Variants in LARS2 observed in about 807,000 individuals in gnomAD.
LARS2 encodes leucyl-tRNA synthetase 2, mitochondrial.
A neutral mutation model predicts 116.6 loss-of-function variants in LARS2; 81 were observed. The observed-to-expected ratio is 0.69, with a 90% CI of 0.58 to 0.84. The LOEUF (loss-of-function observed/expected upper bound fraction) is 0.84, where lower values mean the gene tolerates loss of function less well. Among genes scored for constraint, LARS2 ranks in the 40% least tolerant of loss-of-function variants. The pLI is 0.00. For synonymous variants in LARS2, 396 were observed against 407.2 expected, an observed-to-expected ratio of 0.97 and a Z score of 0.33; for missense variants, 968 against 1,114.5, an observed-to-expected ratio of 0.87 and a Z score of 1.87.
chr3:45,437,620 C>T (rs1003564418), intron 6 of LARS2, among the ~76,000 whole-genome samples: 15 of 152,214 alleles, frequency 9.9e-5, no homozygotes, highest in Admixed American at 6.5e-4. Context: ...TAGGAGAGAG[C>T]TGCTGGCTGG....
At chr3:45,442,753 T>G (rs1698934436) in intron 6 of LARS2, among the ~76,000 whole-genome samples, 1 of 152,208 alleles carries the variant, frequency 6.6e-6, no homozygotes, top group Non-Finnish European at 1.5e-5. Flanking sequence ...GCAACTCACT[T>G]AACCGCCTCC....
intron 6 of LARS2, among the ~76,000 whole-genome samples, chr3:45,441,023 C>CTT (rs148736694): frequency 1.5e-4 from 13 of 87,110 alleles, no homozygotes; most frequent in African/African-American, 3.6e-4. Context: ...ATCACACACT[C>CTT]TTTTTTTTTT....
chr3:45,400,429 G>T lies in LARS2; in HGVS notation c.363+56G>T. 3.9e-6 allele frequency: 6 copies of T among 1,525,038 alleles called. 1 individual carries two copies. In the South Asian group the frequency reaches 6.3e-5, roughly 16 times the overall value. The allele number at this position is 1,525,038 out of a possible 1,614,324, so 94.5% of individuals were successfully genotyped here. ...TGTCTGCCACACGCAGGGTTGGCAT[G>T]TAGTAATATGTGTTCAAGACAAATG... On this transcript the variant is annotated intron_variant, in intron 4 of 21. Transcript: ENST00000645846.
At chr3:45,526,674 AACTG>A (rs1214803997) in intron 20 of LARS2, among the ~76,000 whole-genome samples, 1 of 152,126 alleles carries the variant, frequency 6.6e-6, no homozygotes, top group African/African-American at 2.4e-5. Context: ...TCCAAGAAGT[AACTG>A]ACTGACCACT....
Position 45,491,568 on chromosome 3 carries a change from C to G in LARS2, c.1291C>G (p.Arg431Gly). 1.9e-6 allele frequency: 3 copies of G among 1,614,088 alleles called. No homozygotes were observed. In the South Asian group the frequency reaches 3.3e-5, roughly 18 times the overall value. Residue 431 changes from arginine to glycine, a missense_variant, in exon 13 of 22, where the codon CGG (arginine) becomes GGG (glycine). Physicochemically the swap from Arg to Gly is moderately radical, Grantham distance 125. Coordinates refer to ENST00000645846, the MANE Select transcript of LARS2 (RefSeq NM_015340.4). ...DAFLALTQKA[R>G]GKRVGGDVTS... is the part of the protein sequence containing the mutation. ...TTTTCTAGCCCTGACTCAGAAAGCC[C>G]GGGGGAAGAGAGTGGGTGGAGACGT...
At position 45,471,853 on chromosome 3, in the gene LARS2, T is replaced by G. The variant is rs1575275967; in HGVS notation, c.751-2390T>G. On this transcript the variant is annotated intron_variant, in intron 8 of 21. Coordinates refer to ENST00000645846, the MANE Select transcript of LARS2 (RefSeq NM_015340.4). Reference sequence around the variant, plus strand: ...TGAAAAGCATTCTAGAGTACTTAATTTTATTAGAAGATTAATTGTTTATTA... The same window carrying G: ...TGAAAAGCATTCTAGAGTACTTAATGTTATTAGAAGATTAATTGTTTATTA... Among the ~76,000 whole-genome samples the G allele has an allele frequency of 2.6e-5, 4 of 152,218 alleles. No homozygotes were observed. The East Asian group carries it at 7.7e-4, about 29-fold the overall frequency.
chr3:45,548,507 T>G lies in LARS2; in HGVS notation c.*977T>G, dbSNP rs1700906803. 1 of 152,256 alleles carries G rather than the reference T, an allele frequency of 6.6e-6. No homozygotes were observed. The highest frequency in any genetic ancestry group is 2.1e-4 in the South Asian group (1 of 4,834). The allele number at this position is 152,256 out of a possible 1,614,324, so 9.4% of individuals were successfully genotyped here. A position where few individuals can be genotyped will look rare whatever the true frequency, so the allele number is the denominator to read the frequency against. ...CAAGCTCACCACAGAGGAGTGGAAC[T>G]GAGGCCCCCCAGATGTTGCCTCCGG... On this transcript the variant is annotated 3_prime_UTR_variant, in exon 22 of 22. Transcript: ENST00000645846.
intron 1 of LARS2, among the ~76,000 whole-genome samples, chr3:45,390,520 G>C (rs1045256410): frequency 3.3e-5 from 5 of 150,240 alleles, no homozygotes; most frequent in African/African-American, 1.2e-4. Flanking sequence ...CACCGTGTTA[G>C]CCAGGATGGT....
intron 20 of LARS2, among the ~76,000 whole-genome samples, chr3:45,525,740 G>T (rs925526768): frequency 6.6e-6 from 1 of 152,060 alleles, no homozygotes; most frequent in Non-Finnish European, 1.5e-5. Flanking sequence ...GCAACTCCTG[G>T]CCCCCTCCAA....
chr3:45,419,550 C>A, intron 5 of LARS2, 119 bp from the exon 6 acceptor site: 1 of 785,504 alleles, frequency 1.3e-6, no homozygotes, highest in Non-Finnish European at 2.1e-6. Context: ...CAAAGCAACA[C>A]TTAAAACCCA....
chr3:45,531,471 G>C (rs1205455228), intron 20 of LARS2, among the ~76,000 whole-genome samples: 1 of 152,010 alleles, frequency 6.6e-6, no homozygotes, highest in Non-Finnish European at 1.5e-5. Context: ...TTGACCTCCT[G>C]GGCTCAAGCA....
intron 5 of LARS2, among the ~76,000 whole-genome samples, chr3:45,418,867 A>G (rs1359067016): frequency 6.6e-6 from 1 of 152,116 alleles, no homozygotes; most frequent in Non-Finnish European, 1.5e-5. Context: ...CTCTTTACTT[A>G]TTTGTGCTTC....
intron 6 of LARS2, among the ~76,000 whole-genome samples, chr3:45,426,803 C>T (rs1320393710): frequency 1.3e-5 from 2 of 152,210 alleles, no homozygotes; most frequent in Admixed American, 1.3e-4. Flanking sequence ...AAATGTAGCT[C>T]TTCAAGGAAG....
At chr3:45,486,639 T>G (rs1429407435) in intron 11 of LARS2, among the ~76,000 whole-genome samples, 1 of 152,234 alleles carries the variant, frequency 6.6e-6, no homozygotes, top group Non-Finnish European at 1.5e-5. Context: ...GATCAGTGTT[T>G]CATGAAGTTG....
At position 45,394,693 on chromosome 3, in the gene LARS2, T is replaced by G; in HGVS notation, c.234+6T>G. On this transcript the variant is annotated splice_donor_region_variant and intron_variant, in intron 3 of 21. Coordinates refer to ENST00000645846, the MANE Select transcript of LARS2 (RefSeq NM_015340.4). ...CCAAAATTTCAGAAGCTGATGTGAG[T>G]ATTCTGAGAGATTCTAAGAGGGTAG... is the stretch of plus-strand genomic sequence containing the variant. 3 of 1,578,738 alleles carry G rather than the reference T, an allele frequency of 1.9e-6. No homozygotes were observed. Among genetic ancestry groups the G allele is most frequent in the Non-Finnish European group, 2.6e-6 (3 of 1,147,892 alleles).
intron 8 of LARS2, among the ~76,000 whole-genome samples, chr3:45,464,548 C>G (rs753401697): frequency 3.3e-5 from 5 of 152,188 alleles, no homozygotes; most frequent in Admixed American, 2.0e-4. Context: ...CCCTTAATCC[C>G]CTTCACCCCT....
At chr3:45,524,857 T>C (rs1056829217) in intron 20 of LARS2, among the ~76,000 whole-genome samples, 15 of 152,230 alleles carry the variant, frequency 9.9e-5, no homozygotes, top group Non-Finnish European at 1.9e-4. Context: ...TGTTGTTTAG[T>C]TGAGCAAACC....
intron 8 of LARS2, among the ~76,000 whole-genome samples, chr3:45,469,221 G>A (rs1021152619): frequency 6.6e-6 from 1 of 152,160 alleles, no homozygotes; most frequent in African/African-American, 2.4e-5. Flanking sequence ...ATTTTGCTTG[G>A]AATACATATC....
chr3:45,528,524 A>G (rs1250756243), intron 20 of LARS2, among the ~76,000 whole-genome samples: 7 of 152,172 alleles, frequency 4.6e-5, no homozygotes, highest in African/African-American at 1.7e-4. Flanking sequence ...ACCCATCACC[A>G]TGATCAGTTT....
Sources: gnomAD v4.1 joint callset for allele counts (sites outside exome capture counted in the v4.1 genomes callset) on GRCh38, gnomAD v4.1.1 for gene constraint, MANE v1.5 for transcripts, NCBI Gene and HGNC (gene_info 2026-07-23, HGNC 2026-07-21) for gene names.